The following MAPKAP1 variants were observed in gnomAD, a reference collection of about 807,000 sequenced individuals.
MAPKAP1 encodes MAPK associated protein 1.
MAPKAP1 carries 20 observed loss-of-function variants against 65.7 expected under a neutral mutation model. The ratio of observed to expected loss-of-function variants is 0.30; its 90% CI spans 0.21 to 0.44. The LOEUF (loss-of-function observed/expected upper bound fraction) is 0.44, where lower values mean the gene tolerates loss of function less well. MAPKAP1 is among the 20% of genes least tolerant of loss of function. MAPKAP1 has a pLI of 1.00. For missense variants in MAPKAP1, 423 were observed against 648.0 expected, an observed-to-expected ratio of 0.65 and a Z score of 3.77; for synonymous variants, 222 against 244.3, an observed-to-expected ratio of 0.91 and a Z score of 0.85.
intron 1 of MAPKAP1, among the ~76,000 whole-genome samples, chr9:125,680,082 C>G (rs1043482314): frequency 6.7e-6 from 1 of 149,970 alleles, no homozygotes; most frequent in Non-Finnish European, 1.5e-5. Context: ...ACAGCAGATG[C>G]GAGATTTTTT....
intron 5 of MAPKAP1, among the ~76,000 whole-genome samples, chr9:125,575,567 C>A (rs1368988310): frequency 1.3e-5 from 2 of 152,192 alleles, no homozygotes; most frequent in South Asian, 2.1e-4. Flanking sequence ...AAGAACAGCT[C>A]ACCAAAGAAG....
intron 4 of MAPKAP1, among the ~76,000 whole-genome samples, chr9:125,651,481 T>G (rs932722584): frequency 6.6e-6 from 1 of 152,032 alleles, no homozygotes; most frequent in Admixed American, 6.6e-5. Context: ...GGCAGGCGCC[T>G]GTAATCCCAG....
intron 10 of MAPKAP1, among the ~76,000 whole-genome samples, chr9:125,465,018 A>G (rs1437053499): frequency 6.6e-6 from 1 of 152,178 alleles, no homozygotes; most frequent in African/African-American, 2.4e-5. Context: ...TCCTCCCTAC[A>G]CTTAATGTCT....
chr9:125,587,347 C>A (rs1289998313), intron 4 of MAPKAP1, among the ~76,000 whole-genome samples: 1 of 152,160 alleles, frequency 6.6e-6, no homozygotes, highest in Admixed American at 6.5e-5. Context: ...AGGGAGATCA[C>A]TTGAGGTCAG....
chr9:125,656,612 G>C lies in MAPKAP1; in HGVS notation c.498+1039C>G, dbSNP rs138478624. Among the ~76,000 whole-genome samples the C allele has an allele frequency of 2.4e-3, 368 of 152,040 alleles. 4 individuals carry two copies. Among genetic ancestry groups the C allele is most frequent in the African/African-American group, 8.6e-3 (358 of 41,476 alleles). ...AAACACCTCTGCTCAAAGAGGACAA[G>C]TGACAGAACCAGCTCATGAAAAAAA... On this transcript the variant is annotated intron_variant, in intron 4 of 11. Transcript: ENST00000265960.
intron 4 of MAPKAP1, among the ~76,000 whole-genome samples, chr9:125,601,271 T>C (rs960002503): frequency 2.0e-5 from 3 of 152,182 alleles, no homozygotes; most frequent in African/African-American, 7.2e-5. Flanking sequence ...GCGAAGTATT[T>C]TGAGAATGTA....
chr9:125,667,382 C>T (rs919865078), intron 3 of MAPKAP1, among the ~76,000 whole-genome samples: 3 of 152,182 alleles, frequency 2.0e-5, no homozygotes, highest in South Asian at 2.1e-4. Context: ...TGCACTGGCG[C>T]GATTTTAGCT....
intron 7 of MAPKAP1, among the ~76,000 whole-genome samples, chr9:125,532,281 T>C (rs1267158483): frequency 1.3e-5 from 2 of 152,246 alleles, no homozygotes; most frequent in South Asian, 2.1e-4. Flanking sequence ...ACAAGGTCTT[T>C]TGTAAAGGTT....
At chr9:125,671,148 T>C (rs1259375302) in intron 2 of MAPKAP1, among the ~76,000 whole-genome samples, 1 of 152,204 alleles carries the variant, frequency 6.6e-6, no homozygotes, top group Non-Finnish European at 1.5e-5. Flanking sequence ...ATCATCTCAA[T>C]AACCTGCAAG....
At position 125,573,656 on chromosome 9, in the gene MAPKAP1, G is replaced by GT. The variant is rs1831306828; in HGVS notation, c.671+11898dup. Among the ~76,000 whole-genome samples the GT allele has an allele frequency of 2.0e-5, 3 of 152,156 alleles. No individual in the cohort carries two copies. The South Asian group carries it at 6.2e-4, about 31-fold the overall frequency. On this transcript the variant is annotated intron_variant, in intron 5 of 11. Transcript: ENST00000265960. Reference sequence around the variant, plus strand: ...GGGTCTGGATCAAGACCCCTGTCCTGTAACAATCCCACTCTGTTCTCCCTG... The same window carrying GT: ...GGGTCTGGATCAAGACCCCTGTCCTGTTAACAATCCCACTCTGTTCTCCCTG...
At chr9:125,486,107 T>C (rs1312240084) in intron 8 of MAPKAP1, among the ~76,000 whole-genome samples, 4 of 152,238 alleles carry the variant, frequency 2.6e-5, no homozygotes, top group East Asian at 1.9e-4. Flanking sequence ...AGATAAATAA[T>C]AGCTAGTATA....
At chr9:125,589,269 C>T (rs545177933) in intron 4 of MAPKAP1, among the ~76,000 whole-genome samples, 2 of 152,198 alleles carry the variant, frequency 1.3e-5, no homozygotes, top group Non-Finnish European at 2.9e-5. Flanking sequence ...TCCTTCAGAG[C>T]GCTTAACAAT....
intron 8 of MAPKAP1, among the ~76,000 whole-genome samples, chr9:125,485,167 T>C (rs918974882): frequency 6.6e-6 from 1 of 152,108 alleles, no homozygotes; most frequent in African/African-American, 2.4e-5. Flanking sequence ...TACATGGCTG[T>C]CTATTGATAG....
intron 7 of MAPKAP1, among the ~76,000 whole-genome samples, chr9:125,510,018 G>T (rs1829253736): frequency 6.6e-6 from 1 of 152,156 alleles, no homozygotes; most frequent in African/African-American, 2.4e-5. Flanking sequence ...ATGAAGCCTA[G>T]CATGTTGATG....
intron 3 of MAPKAP1, among the ~76,000 whole-genome samples, chr9:125,667,697 CCA>C (rs1372765383): frequency 2.0e-5 from 3 of 152,112 alleles, no homozygotes; most frequent in African/African-American, 7.2e-5. Flanking sequence ...CAGGTGTGAG[CCA>C]CAGTGCCTGG....
intron 6 of MAPKAP1, among the ~76,000 whole-genome samples, chr9:125,549,927 C>T (rs1315991056): frequency 6.6e-6 from 1 of 152,194 alleles, no homozygotes; most frequent in Non-Finnish European, 1.5e-5. Flanking sequence ...CATTCACATT[C>T]CGTTCAGAAT....
At chr9:125,521,555 A>C in intron 7 of MAPKAP1, 1 of 1,377,982 alleles carries the variant, frequency 7.3e-7, no homozygotes, top group Non-Finnish European at 9.4e-7. Flanking sequence ...ATAAATGCCA[A>C]AACTGGTTGA....
chr9:125,675,399 T>C (rs1357118435), intron 1 of MAPKAP1, among the ~76,000 whole-genome samples: 7 of 152,084 alleles, frequency 4.6e-5, no homozygotes, highest in East Asian at 1.9e-4. Flanking sequence ...TCTAGGGAAA[T>C]AGATCACTTC....
At chr9:125,658,951 A>C (rs1183297165) in intron 3 of MAPKAP1, among the ~76,000 whole-genome samples, 2 of 152,010 alleles carry the variant, frequency 1.3e-5, no homozygotes, top group Non-Finnish European at 2.9e-5. Flanking sequence ...AGAACTTTCA[A>C]AAAAAAATGT....
Sources: gnomAD v4.1 joint callset for allele counts (sites outside exome capture counted in the v4.1 genomes callset) on GRCh38, gnomAD v4.1.1 for gene constraint, MANE v1.5 for transcripts, NCBI Gene and HGNC (gene_info 2026-07-23, HGNC 2026-07-21) for gene names.